The following CTNNA2 variants were observed in gnomAD, a reference collection of about 807,000 sequenced individuals.
CTNNA2 encodes the protein catenin alpha-2.
CTNNA2 carries 42 observed loss-of-function variants against 101.0 expected under a neutral mutation model. That is an observed-to-expected ratio of 0.42 (90% CI 0.32 to 0.54). The LOEUF is 0.54. Among genes scored for constraint, CTNNA2 ranks in the 20% least tolerant of loss-of-function variants. The pLI is 0.14. For synonymous variants in CTNNA2, 450 were observed against 456.4 expected, an observed-to-expected ratio of 0.99 and a Z score of 0.18; for missense variants, 871 against 1,223.1, an observed-to-expected ratio of 0.71 and a Z score of 4.29.
intron 11 of CTNNA2, among the ~76,000 whole-genome samples, chr2:80,552,479 GA>G (rs1188398898): frequency 4.6e-5 from 7 of 152,158 alleles, no homozygotes; most frequent in African/African-American, 1.7e-4. Context: ...CTACTATCAT[GA>G]AGAAACTGTG....
intron 9 of CTNNA2, among the ~76,000 whole-genome samples, chr2:80,448,416 GAA>G (rs1157792416): frequency 6.6e-6 from 1 of 152,180 alleles, no homozygotes; most frequent in Admixed American, 6.5e-5. Flanking sequence ...CAGCAAAATT[GAA>G]AAGTCAGTAG....
intron 1 of CTNNA2, among the ~76,000 whole-genome samples, chr2:79,535,625 A>G (rs1164450842): frequency 6.6e-6 from 1 of 152,146 alleles, no homozygotes; most frequent in Admixed American, 6.5e-5. Flanking sequence ...TGTCCTTACT[A>G]TCCCATTGGA....
chr2:79,830,235 C>A (rs1030912235), intron 3 of CTNNA2, among the ~76,000 whole-genome samples: 1 of 152,040 alleles, frequency 6.6e-6, no homozygotes, highest in East Asian at 1.9e-4. Flanking sequence ...GACAGGCTGG[C>A]AGAGGATGTA....
chr2:80,171,899 G>A (rs1705084009), intron 7 of CTNNA2, among the ~76,000 whole-genome samples: 1 of 152,112 alleles, frequency 6.6e-6, no homozygotes, highest in African/African-American at 2.4e-5. Flanking sequence ...CTCTGCTGTG[G>A]GGGATCCATT....
At chr2:80,312,333 G>A (rs1433480476) in intron 7 of CTNNA2, among the ~76,000 whole-genome samples, 1 of 152,186 alleles carries the variant, frequency 6.6e-6, no homozygotes, top group African/African-American at 2.4e-5. Flanking sequence ...AAAGAGGGCG[G>A]GGGTATGAGC....
At chr2:79,489,930 A>C (rs1243839049) in intron 4 of CTNNA2, among the ~76,000 whole-genome samples, 1 of 152,154 alleles carries the variant, frequency 6.6e-6, no homozygotes, top group Admixed American at 6.5e-5. Context: ...GGGAATACTC[A>C]TGGCCCCTCG....
Position 80,393,252 on chromosome 2 carries a change from TGATAA to T in CTNNA2, c.1102_1106del (p.Lys368AspfsTer2). 1 of 1,611,120 alleles carries T rather than the reference TGATAA, an allele frequency of 6.2e-7. No homozygotes were observed. Among genetic ancestry groups the T allele is most frequent in the Non-Finnish European group, 8.5e-7 (1 of 1,178,602 alleles). Reference sequence around the variant, plus strand: ...AAGGAGATCCTCTCAACATTGCGATTGATAAGATGACTAAGAAAACAAGAGATCTA... The same window carrying T: ...AAGGAGATCCTCTCAACATTGCGATTGATGACTAAGAAAACAAGAGATCTA... On this transcript the variant is annotated frameshift_variant, in exon 8 of 19. Transcript: ENST00000402739. LOFTEE classifies it high-confidence loss of function.
At chr2:80,174,350 T>C (rs560361190) in intron 7 of CTNNA2, among the ~76,000 whole-genome samples, 1 of 152,254 alleles carries the variant, frequency 6.6e-6, no homozygotes, top group South Asian at 2.1e-4. Flanking sequence ...CACCTATGTA[T>C]ACTCTTGTGT....
chr2:80,143,322 T>G (rs1212866877), intron 7 of CTNNA2, among the ~76,000 whole-genome samples: 1 of 152,174 alleles, frequency 6.6e-6, no homozygotes, highest in Non-Finnish European at 1.5e-5. Context: ...AAATCATAAT[T>G]GAATATATTT....
intron 7 of CTNNA2, among the ~76,000 whole-genome samples, chr2:80,048,037 C>A (rs977388089): frequency 5.9e-5 from 9 of 152,138 alleles, no homozygotes; most frequent in East Asian, 1.9e-4. Flanking sequence ...ATGTTATAAC[C>A]AAAGAGGAGG....
intron 14 of CTNNA2, among the ~76,000 whole-genome samples, chr2:80,588,723 T>TG (rs1241488936): frequency 2.0e-5 from 3 of 152,072 alleles, no homozygotes; most frequent in Non-Finnish European, 4.4e-5. Flanking sequence ...CTAAAGGAGA[T>TG]GGGGGAGGGC....
At chr2:80,256,009 T>C (rs1485246604) in intron 7 of CTNNA2, among the ~76,000 whole-genome samples, 1 of 152,140 alleles carries the variant, frequency 6.6e-6, no homozygotes, top group Non-Finnish European at 1.5e-5. Flanking sequence ...TACTGCTTTA[T>C]TAAATGAAGC....
chr2:80,113,304 A>T (rs1034972748), intron 7 of CTNNA2, among the ~76,000 whole-genome samples: 6 of 152,268 alleles, frequency 3.9e-5, no homozygotes, highest in Admixed American at 3.3e-4. Flanking sequence ...TGGCAAAAAA[A>T]GCTATTTTTA....
At chr2:80,236,817 G>C (rs1201537751) in intron 7 of CTNNA2, among the ~76,000 whole-genome samples, 1 of 152,176 alleles carries the variant, frequency 6.6e-6, no homozygotes, top group Non-Finnish European at 1.5e-5. Flanking sequence ...ATCAGACACA[G>C]AGAATCCACA....
At chr2:79,983,325 C>T (rs1048101627) in intron 7 of CTNNA2, among the ~76,000 whole-genome samples, 11 of 151,666 alleles carry the variant, frequency 7.3e-5, no homozygotes, top group Admixed American at 3.3e-4. Context: ...TCCCTGCTTG[C>T]GTGAAACTTA....
intron 12 of CTNNA2, among the ~76,000 whole-genome samples, chr2:80,557,338 T>A (rs867688169): frequency 2.6e-5 from 4 of 152,134 alleles, no homozygotes; most frequent in Non-Finnish European, 4.4e-5. Context: ...CTTGGAAGAG[T>A]TATAAAAAGG....
chr2:80,453,069 T>G (rs1683657638), intron 9 of CTNNA2, among the ~76,000 whole-genome samples: 1 of 152,036 alleles, frequency 6.6e-6, no homozygotes, highest in African/African-American at 2.4e-5. Context: ...CCAGTGGGAA[T>G]TTGTTAAGGG....
intron 7 of CTNNA2, among the ~76,000 whole-genome samples, chr2:80,180,550 G>A (rs1322045402): frequency 6.6e-6 from 1 of 152,176 alleles, no homozygotes; most frequent in Non-Finnish European, 1.5e-5. Context: ...GCCACCTCAG[G>A]ATCTAACTAT....
intron 9 of CTNNA2, among the ~76,000 whole-genome samples, chr2:80,420,491 A>T (rs1680431502): frequency 6.6e-6 from 1 of 152,162 alleles, no homozygotes; most frequent in Non-Finnish European, 1.5e-5. Context: ...ATGCATTCCC[A>T]CTTTAATTCA....
Sources: gnomAD v4.1 joint callset for allele counts (sites outside exome capture counted in the v4.1 genomes callset) on GRCh38, gnomAD v4.1.1 for gene constraint, MANE v1.5 for transcripts, NCBI Gene and HGNC (gene_info 2026-07-23, HGNC 2026-07-21) for gene names.